The following SLC14A2 variants were observed in gnomAD, a reference collection of about 807,000 sequenced individuals.
The protein encoded by SLC14A2 is solute carrier family 14 member 2.
A neutral mutation model predicts 104.6 loss-of-function variants in SLC14A2; 91 were observed. The ratio of observed to expected loss-of-function variants is 0.87; its 90% CI spans 0.73 to 1.04. The LOEUF is 1.04. SLC14A2 is among the 50% of genes least tolerant of loss of function. The pLI, the probability that SLC14A2 is intolerant of heterozygous loss-of-function variation, is 0.00. For synonymous variants in SLC14A2, 476 were observed against 466.4 expected (o/e 1.02, Z -0.27); for missense variants, 1,189 against 1,156.0 (o/e 1.03, Z -0.41).
intron 1 of SLC14A2, among the ~76,000 whole-genome samples, chr18:45,417,827 T>A (rs907369359): frequency 6.6e-6 from 1 of 152,212 alleles, no homozygotes. Flanking sequence ...TAAATAATAT[T>A]TTTTAAAGAA....
chr18:45,397,591 A>T (rs1339847793), intron 1 of SLC14A2, among the ~76,000 whole-genome samples: 2 of 152,160 alleles, frequency 1.3e-5, no homozygotes, highest in South Asian at 2.1e-4. Context: ...TAGTTTGCAA[A>T]TATTTTCTCC....
intron 2 of SLC14A2, among the ~76,000 whole-genome samples, chr18:45,573,794 A>G (rs1285040622): frequency 6.6e-6 from 1 of 152,266 alleles, no homozygotes; most frequent in Non-Finnish European, 1.5e-5. Flanking sequence ...AGTAAAATGT[A>G]AACATGGCCC....
intron 1 of SLC14A2, among the ~76,000 whole-genome samples, chr18:45,251,084 A>G (rs72904667): frequency 0.11 from 17,327 of 152,160 alleles, 1,162 homozygotes; most frequent in Non-Finnish European, 0.16. Flanking sequence ...TGGTTACATA[A>G]GTTCTTTTGT....
At chr18:45,532,133 A>G (rs1180108175) in intron 2 of SLC14A2, among the ~76,000 whole-genome samples, 5 of 152,106 alleles carry the variant, frequency 3.3e-5, no homozygotes, top group Non-Finnish European at 5.9e-5. Context: ...GTCAGGTAGC[A>G]TGATGCCTCC....
intron 1 of SLC14A2, among the ~76,000 whole-genome samples, chr18:45,367,707 T>G (rs1471710946): frequency 6.6e-6 from 1 of 152,158 alleles, no homozygotes; most frequent in Non-Finnish European, 1.5e-5. Context: ...ATTCAAGTAT[T>G]TACACCATGG....
Position 45,625,803 on chromosome 18 carries a change from C to T in SLC14A2, c.271C>T (p.Leu91Phe), listed in dbSNP as rs765794208. The T allele has an allele frequency of 2.0e-6, 3 of 1,532,610 alleles. No homozygotes were observed. Among genetic ancestry groups the T allele is most frequent in the South Asian group, 1.3e-5 (1 of 77,624 alleles). 94.9% of individuals were successfully genotyped at this position (1,532,610 alleles called of 1,614,324 possible). A position where few individuals can be genotyped will look rare whatever the true frequency, so the allele number is the denominator to read the frequency against. Residue 91 changes from leucine to phenylalanine, a missense_variant, in exon 3 of 20, where the codon CTC becomes TTC. Physicochemically the swap from Leu to Phe is conservative, Grantham distance 22. Coordinates refer to ENST00000255226, the MANE Select transcript of SLC14A2 (RefSeq NM_007163.4). ...CTCAGCAGGCCAAAGGTGCATCTGC[C>T]TCTCCAAAGCAGTGGGCTACCTCAC... The part of the protein sequence containing the change: ...RDSAGQRCIC[L>F]SKAVGYLTGD...
chr18:45,319,336 G>A (rs1242652978), intron 1 of SLC14A2, among the ~76,000 whole-genome samples: 2 of 152,190 alleles, frequency 1.3e-5, no homozygotes, highest in African/African-American at 4.8e-5. Flanking sequence ...GGCAACATTG[G>A]TTATATTCCC....
chr18:45,641,157 T>C, intron 7 of SLC14A2, 52 bp from the exon 8 acceptor site: 1 of 1,599,150 alleles, frequency 6.3e-7, no homozygotes, highest in Non-Finnish European at 8.5e-7. Flanking sequence ...CCCAGGGTGG[T>C]CTTTGTTCTG....
At chr18:45,662,419 T>G (rs1335589186) in intron 10 of SLC14A2, among the ~76,000 whole-genome samples, 1 of 152,184 alleles carries the variant, frequency 6.6e-6, no homozygotes, top group Non-Finnish European at 1.5e-5. Context: ...ACATAAGCAG[T>G]GTGATCTACC....
At chr18:45,364,691 C>T (rs2085648935) in intron 1 of SLC14A2, among the ~76,000 whole-genome samples, 1 of 152,134 alleles carries the variant, frequency 6.6e-6, no homozygotes, top group African/African-American at 2.4e-5. Context: ...TTTTTACAAG[C>T]AGCAGGGATT....
intron 2 of SLC14A2, among the ~76,000 whole-genome samples, chr18:45,584,609 T>C (rs193287012): frequency 1.3e-5 from 2 of 152,296 alleles, no homozygotes; most frequent in African/African-American, 4.8e-5. Context: ...GCCAAGGAGT[T>C]GAGCTGCCCC....
At chr18:45,226,481 A>G (rs1195299327) in intron 1 of SLC14A2, among the ~76,000 whole-genome samples, 2 of 152,132 alleles carry the variant, frequency 1.3e-5, no homozygotes, top group Non-Finnish European at 2.9e-5. Flanking sequence ...ATGGAATACT[A>G]TGCAGCCATA....
intron 1 of SLC14A2, chr18:45,447,565 C>T (rs1250292489): frequency 6.6e-6 from 1 of 152,190 alleles, no homozygotes; most frequent in Admixed American, 6.5e-5. Flanking sequence ...CACCACCTTT[C>T]ACAAAGAGCT....
intron 1 of SLC14A2, among the ~76,000 whole-genome samples, chr18:45,407,133 A>G (rs1335923781): frequency 1.3e-5 from 2 of 152,174 alleles, no homozygotes; most frequent in Non-Finnish European, 2.9e-5. Context: ...CTCCCAATAT[A>G]AGGCTGTTTC....
intron 1 of SLC14A2, among the ~76,000 whole-genome samples, chr18:45,416,262 TTTTTTG>T (rs1435924343): frequency 1.3e-5 from 2 of 150,676 alleles, no homozygotes; most frequent in Non-Finnish European, 3.0e-5. Flanking sequence ...TTTTTTTTTT[TTTTTTG>T]CATACACAGC....
chr18:45,464,418 G>C (rs1487025933), intron 1 of SLC14A2, among the ~76,000 whole-genome samples: 1 of 152,154 alleles, frequency 6.6e-6, no homozygotes, highest in Non-Finnish European at 1.5e-5. Flanking sequence ...TAAATGTAAG[G>C]TCAGCTCCCA....
At chr18:45,175,714 T>C in the SLC14A2 span, among the ~76,000 whole-genome samples, 7 of 152,180 alleles carry the variant, frequency 4.6e-5, no homozygotes, top group East Asian at 1.3e-3. Context: ...GAATATTCTG[T>C]GGTGCTGACT....
intron 1 of SLC14A2, among the ~76,000 whole-genome samples, chr18:45,390,434 G>A (rs1408349117): frequency 6.6e-6 from 1 of 152,146 alleles, no homozygotes; most frequent in South Asian, 2.1e-4. Context: ...CCACTGTGCT[G>A]TTTACCAGTG....
At chr18:45,220,614 A>G (rs534398890) in intron 1 of SLC14A2, among the ~76,000 whole-genome samples, 1 of 152,354 alleles carries the variant, frequency 6.6e-6, no homozygotes, top group East Asian at 1.9e-4. Context: ...CATTTGGGAT[A>G]CAAGTCACCA....
Sources: allele counts gnomAD v4.1 joint callset (sites outside exome capture counted in the v4.1 genomes callset), GRCh38; gene constraint gnomAD v4.1.1; transcripts MANE v1.5; gene names NCBI Gene and HGNC (gene_info 2026-07-23, HGNC 2026-07-21).